Variants in TARBP1 observed in about 807,000 individuals in gnomAD.
The protein encoded by TARBP1 is tRNA guanosine 2 -O-methyltransferase TARBP1, also known as tRNA (guanosine(18)-2'-O)-methyltransferase TARBP1.
A neutral mutation model predicts 178.6 loss-of-function variants in TARBP1; 144 were observed. The ratio of observed to expected loss-of-function variants is 0.81; its 90% CI spans 0.70 to 0.93. The LOEUF (loss-of-function observed/expected upper bound fraction) is 0.93. Among genes scored for constraint, TARBP1 ranks in the 40% least tolerant of loss-of-function variants. The pLI is 0.00. For missense variants in TARBP1, 2,067 were observed against 2,011.7 expected, an observed-to-expected ratio of 1.03 and a Z score of -0.53; for synonymous variants, 787 against 781.0, an observed-to-expected ratio of 1.01 and a Z score of -0.13.
At chr1:234,453,887 G>A (rs1308057157) in intron 9 of TARBP1, among the ~76,000 whole-genome samples, 1 of 152,104 alleles carries the variant, frequency 6.6e-6, no homozygotes, top group East Asian at 1.9e-4. Context: ...TGGGAGATGT[G>A]CAATACATAG....
intron 12 of TARBP1, among the ~76,000 whole-genome samples, chr1:234,438,458 A>G (rs1046699473): frequency 1.2e-4 from 18 of 152,228 alleles, no homozygotes; most frequent in African/African-American, 4.3e-4. Flanking sequence ...AGATATATAG[A>G]AAAACCAAAT....
rs1662519630 is a variant in TARBP1 at position 234,417,142 on chromosome 1, GA to G, written c.3705+941del. Among the ~76,000 whole-genome samples, 3 of 152,326 alleles carry G rather than the reference GA, an allele frequency of 2.0e-5. No individual in the cohort carries two copies. The South Asian group carries it at 6.2e-4, about 32-fold the overall frequency. The stretch of plus-strand genomic sequence containing the variant: ...AAAGAGAAAGGCTGTCTGCAGCTCA[GA>G]TAAAATCCTTGATGTATCACTGTTG... On this transcript the variant is annotated intron_variant, in intron 22 of 29. Transcript: ENST00000040877.
At chr1:234,422,642 T>C (rs1663239728) in intron 20 of TARBP1, among the ~76,000 whole-genome samples, 1 of 152,090 alleles carries the variant, frequency 6.6e-6, no homozygotes, top group Admixed American at 6.6e-5. Flanking sequence ...AGTATAAAAA[T>C]ATACTTAGAA....
At chr1:234,398,008 C>CA (rs1202482588) in intron 26 of TARBP1, among the ~76,000 whole-genome samples, 2 of 150,710 alleles carry the variant, frequency 1.3e-5, no homozygotes, top group Non-Finnish European at 3.0e-5. Context: ...CTATGAAGGA[C>CA]AAAAAAAGAG....
chr1:234,459,280 CT>C lies in TARBP1; in HGVS notation c.1581del (p.Ala529GlnfsTer11). 1 of 1,613,408 alleles carries C rather than the reference CT, an allele frequency of 6.2e-7. No homozygotes were observed. The highest frequency in any genetic ancestry group is 8.5e-7 in the Non-Finnish European group (1 of 1,179,744). ...TGAAGAAGGTAGCATTGGGCTGCCC[CT>C]CTCAGGAGAATCTGATGTGTGATCA... ...CTMITHQILL[R>X]GAAQCYLLQT... On this transcript the variant is annotated frameshift_variant, in exon 8 of 30. Transcript: ENST00000040877. LOFTEE classifies it high-confidence loss of function.
At position 234,479,177 on chromosome 1, in the gene TARBP1, C is replaced by T. The variant is rs1021773703; in HGVS notation, c.-74G>A. The T allele has an allele frequency of 7.6e-7, 1 of 1,308,676 alleles. No homozygotes were observed. The highest frequency in any genetic ancestry group is 9.8e-7 in the Non-Finnish European group (1 of 1,019,306). The allele number at this position is 1,308,676 out of a possible 1,614,324, so 81.1% of individuals were successfully genotyped here. The stretch of plus-strand genomic sequence containing the variant: ...GCGTGTGCGATGCGTGCGCACAGGA[C>T]CGGCCGGCCCCTACGTGCGCGTGCG... On this transcript the variant is annotated 5_prime_UTR_variant, in exon 1 of 30. Transcript: ENST00000040877.
intron 15 of TARBP1, 87 bp from the exon 16 acceptor site, chr1:234,429,764 TGGGG>T (rs35706427): frequency 0.019 from 14,709 of 791,210 alleles, 38 homozygotes; most frequent in East Asian, 0.057. Flanking sequence ...TTTCTAAAGG[TGGGG>T]GGGGGGGGGC....
At chr1:234,412,139 T>C (rs1285363744) in intron 22 of TARBP1, among the ~76,000 whole-genome samples, 1 of 152,196 alleles carries the variant, frequency 6.6e-6, no homozygotes, top group African/African-American at 2.4e-5. Context: ...AATGACAATA[T>C]GGGCCTGGGC....
At chr1:234,451,166 C>G (rs906665710) in intron 9 of TARBP1, among the ~76,000 whole-genome samples, 4 of 152,180 alleles carry the variant, frequency 2.6e-5, no homozygotes, top group African/African-American at 9.7e-5. Context: ...CATTACATCT[C>G]TTAGAAGGTT....
At chr1:234,398,267 G>A in intron 26 of TARBP1, 115 bp downstream of exon 26, 1 of 837,950 alleles carries the variant, frequency 1.2e-6, no homozygotes, top group Non-Finnish European at 1.7e-6. Context: ...AAAGGCAGAG[G>A]TCACCATGTC....
At chr1:234,398,636 TTAA>T (rs1205650995) in intron 25 of TARBP1, 83 bp from the exon 26 acceptor site, 12 of 1,055,746 alleles carry the variant, frequency 1.1e-5, no homozygotes, top group African/African-American at 8.0e-5. Context: ...AACTTAATTA[TTAA>T]TGATATATTC....
chr1:234,428,451 A>G (rs1664021746), intron 17 of TARBP1, among the ~76,000 whole-genome samples: 1 of 152,082 alleles, frequency 6.6e-6, no homozygotes, highest in Non-Finnish European at 1.5e-5. Context: ...GCCAACTCCT[A>G]CTCAACCGAG....
chr1:234,476,214 G>A (rs2103321262), intron 1 of TARBP1, among the ~76,000 whole-genome samples: 1 of 152,300 alleles, frequency 6.6e-6, no homozygotes, highest in African/African-American at 2.4e-5. Context: ...GCGTCAAATG[G>A]AAATGAGAGA....
Position 234,478,231 on chromosome 1 carries a change from C to T in TARBP1, c.873G>A (p.Ala291=). The T allele has an allele frequency of 6.2e-7, 1 of 1,611,646 alleles. No individual in the cohort carries two copies. The highest frequency in any genetic ancestry group is 8.5e-7 in the Non-Finnish European group (1 of 1,179,510). Residue 291 remains alanine, a synonymous_variant, in exon 1 of 30, where the codon GCG becomes GCA. Transcript: ENST00000040877. ...CCCCCAGCTCCGCCGACACCTCCAC[C>T]GCCCTCTGCAGCAGGTAGCGCGCTC... ...RKRARYLLQR[A]VEVSAELGAD...
At chr1:234,427,246 A>C (rs1229324234) in intron 19 of TARBP1, 71 bp downstream of exon 19, 1 of 1,052,920 alleles carries the variant, frequency 9.5e-7, no homozygotes, top group Non-Finnish European at 1.4e-6. Context: ...CAAATACAGA[A>C]TGTTTGTCAT....
At chr1:234,421,061 A>G (rs1193252922) in intron 20 of TARBP1, among the ~76,000 whole-genome samples, 4 of 152,106 alleles carry the variant, frequency 2.6e-5, no homozygotes, top group African/African-American at 7.2e-5. Context: ...CACTGAACTT[A>G]GTTGCTTTTA....
chr1:234,415,307 A>G (rs1226011209), intron 22 of TARBP1, among the ~76,000 whole-genome samples: 1 of 152,202 alleles, frequency 6.6e-6, no homozygotes, highest in Non-Finnish European at 1.5e-5. Context: ...CCTTTATGGT[A>G]AAAGGAAGAA....
chr1:234,429,488 T>G lies in TARBP1; in HGVS notation c.2799A>C (p.Leu933=). The G allele has an allele frequency of 6.2e-7, 1 of 1,614,202 alleles. No homozygotes were observed. Among genetic ancestry groups the G allele is most frequent in the Non-Finnish European group, 8.5e-7 (1 of 1,180,030 alleles). The change falls in exon 16 of 30, where the codon CTA becomes CTC. Residue 933 remains leucine (L), a synonymous_variant. Coordinates refer to ENST00000040877, the MANE Select transcript of TARBP1 (RefSeq NM_005646.4). The part of the protein sequence containing the change: ...QMPIRTLQSA[L]EALTVLSSDQ... ...CAGAAGAAAGAACTGTGAGGGCTTC[T>G]AGTGCAGACTGCAAAGTCCTTATTG...
chr1:234,448,039 AG>A (rs1377945792), intron 11 of TARBP1, among the ~76,000 whole-genome samples: 2 of 152,182 alleles, frequency 1.3e-5, no homozygotes, highest in Non-Finnish European at 2.9e-5. Context: ...ACCCAGTTCA[AG>A]TGATCTTCCC....
Sources: allele counts gnomAD v4.1 joint callset (sites outside exome capture counted in the v4.1 genomes callset), GRCh38; gene constraint gnomAD v4.1.1; transcripts MANE v1.5; gene names NCBI Gene and HGNC (gene_info 2026-07-23, HGNC 2026-07-21).